Variants in NFATC2 observed in about 807,000 individuals in gnomAD.
NFATC2 encodes the protein nuclear factor of activated T cells 2.
NFATC2 carries 22 observed loss-of-function variants against 87.3 expected under a neutral mutation model. That is an observed-to-expected ratio of 0.25 (90% CI 0.18 to 0.36). The LOEUF (loss-of-function observed/expected upper bound fraction) is 0.36, where lower values mean the gene tolerates loss of function less well. NFATC2 is among the 10% of genes least tolerant of loss of function. The pLI, the probability that NFATC2 is intolerant of heterozygous loss-of-function variation, is 1.00. For synonymous variants in NFATC2, 565 were observed against 542.2 expected (o/e 1.04, Z -0.58); for missense variants, 1,149 against 1,259.1 (o/e 0.91, Z 1.32).
chr20:51,436,505 T>C (rs1983598902), intron 6 of NFATC2, among the ~76,000 whole-genome samples: 1 of 151,576 alleles, frequency 6.6e-6, no homozygotes, highest in Non-Finnish European at 1.5e-5. Context: ...GGCTAGGAGT[T>C]CGAGACCAGC....
chr20:51,560,548 A>G (rs1265887881), intron 1 of NFATC2, among the ~76,000 whole-genome samples: 1 of 152,124 alleles, frequency 6.6e-6, no homozygotes, highest in Admixed American at 6.5e-5. Flanking sequence ...CACCCATTGG[A>G]TGGGATATTG....
chr20:51,528,249 A>T (rs534651576), intron 1 of NFATC2, among the ~76,000 whole-genome samples: 3 of 152,310 alleles, frequency 2.0e-5, no homozygotes, highest in East Asian at 3.9e-4. Context: ...TGGCTCATTC[A>T]TATGATGGGA....
At chr20:51,528,689 C>T (rs2146747658) in intron 1 of NFATC2, among the ~76,000 whole-genome samples, 1 of 152,258 alleles carries the variant, frequency 6.6e-6, no homozygotes. Context: ...AAATGTAACT[C>T]CCAAAAGAAA....
At chr20:51,467,887 C>A (rs948431354) in intron 5 of NFATC2, among the ~76,000 whole-genome samples, 4 of 152,178 alleles carry the variant, frequency 2.6e-5, no homozygotes, top group African/African-American at 4.8e-5. Flanking sequence ...TAGCCTTATC[C>A]ATAAACCTAA....
intron 3 of NFATC2, among the ~76,000 whole-genome samples, chr20:51,505,916 T>G (rs2076171515): frequency 6.6e-6 from 1 of 152,214 alleles, no homozygotes; most frequent in Non-Finnish European, 1.5e-5. Flanking sequence ...TTTAAAATCC[T>G]AACACGATGG....
At chr20:51,505,432 A>G (rs1260615194) in intron 3 of NFATC2, among the ~76,000 whole-genome samples, 1 of 144,432 alleles carries the variant, frequency 6.9e-6, no homozygotes, top group Non-Finnish European at 1.5e-5. Context: ...GTGTACATAC[A>G]CATTGTATAT....
At chr20:51,542,144 G>A (rs2076828864) in intron 1 of NFATC2, among the ~76,000 whole-genome samples, 1 of 152,164 alleles carries the variant, frequency 6.6e-6, no homozygotes, top group South Asian at 2.1e-4. Flanking sequence ...GAGCAGTCAT[G>A]AGCAACCAGA....
chr20:51,410,738 C>T (rs1241582467), intron 9 of NFATC2, among the ~76,000 whole-genome samples: 1 of 152,156 alleles, frequency 6.6e-6, no homozygotes, highest in Non-Finnish European at 1.5e-5. Flanking sequence ...ATCTAGAGAG[C>T]ATTCTAACAC....
Position 51,539,693 on chromosome 20 carries a change from C to A in NFATC2, c.130+2677G>T, listed in dbSNP as rs1052615948. On this transcript the variant is annotated intron_variant, in intron 1 of 10. Coordinates refer to ENST00000371564, the MANE Select transcript of NFATC2 (RefSeq NM_012340.5). ...TTTTTATTTTTATTAGAGATGAGGT[C>A]TTGCTATGTTGCCCCAGCTGGTCTT... Among the ~76,000 whole-genome samples, 4 of 152,186 alleles carry A rather than the reference C, an allele frequency of 2.6e-5. No individual in the cohort carries two copies. In the East Asian group the frequency reaches 7.7e-4, roughly 29 times the overall value.
intron 6 of NFATC2, among the ~76,000 whole-genome samples, chr20:51,447,215 A>G (rs972255637): frequency 2.0e-5 from 3 of 152,238 alleles, no homozygotes; most frequent in Non-Finnish European, 4.4e-5. Flanking sequence ...GAAAGAGGGA[A>G]TTCCACCACC....
At chr20:51,530,421 G>A (rs1465527434) in intron 1 of NFATC2, among the ~76,000 whole-genome samples, 4 of 152,044 alleles carry the variant, frequency 2.6e-5, no homozygotes, top group East Asian at 1.9e-4. Flanking sequence ...TGCCCACCTC[G>A]GCCTGCCAAA....
At chr20:51,398,833 G>GAACTT (rs1425113956) in intron 9 of NFATC2, 103 bp from the exon 10 acceptor site, 7 of 801,406 alleles carry the variant, frequency 8.7e-6, no homozygotes, top group South Asian at 3.0e-5. Context: ...GCCCAGGAGG[G>GAACTT]AACTTAACCC....
At chr20:51,427,795 C>T (rs1201292186) in intron 9 of NFATC2, among the ~76,000 whole-genome samples, 1 of 152,196 alleles carries the variant, frequency 6.6e-6, no homozygotes, top group Non-Finnish European at 1.5e-5. Flanking sequence ...TCTGCAGGGG[C>T]CAACCTCACC....
intron 3 of NFATC2, among the ~76,000 whole-genome samples, chr20:51,496,026 C>G (rs62229791): frequency 0.078 from 11,926 of 152,218 alleles, 609 homozygotes; most frequent in African/African-American, 0.15. Context: ...TTTTTCTAAG[C>G]ATTTCCAAAG....
At chr20:51,406,273 G>T (rs141696909) in intron 9 of NFATC2, among the ~76,000 whole-genome samples, 1 of 152,184 alleles carries the variant, frequency 6.6e-6, no homozygotes. Flanking sequence ...ACAAGAATAC[G>T]CTTCTCTGAA....
At chr20:51,464,492 T>C (rs1987477388) in intron 5 of NFATC2, among the ~76,000 whole-genome samples, 1 of 152,256 alleles carries the variant, frequency 6.6e-6, no homozygotes, top group South Asian at 2.1e-4. Context: ...CACTCTAAAC[T>C]GCTTCTCCCC....
chr20:51,482,934 C>T (rs554509838), intron 3 of NFATC2, among the ~76,000 whole-genome samples: 1 of 152,294 alleles, frequency 6.6e-6, no homozygotes, highest in African/African-American at 2.4e-5. Context: ...TCCCAGGGTT[C>T]GGACTAGCCC....
chr20:51,562,187 G>A lies in NFATC2; in HGVS notation c.70+373C>T, dbSNP rs1200040550. ...AAAGTAATAATAATAATACTGCAGC[G>A]TTATGGCATTTGCTGTCAAAAGCCG... On this transcript the variant is annotated intron_variant, in intron 1 of 10. Coordinates refer to the NFATC2 transcript ENST00000414705. The surrounding 1 kb of genome is among the most constrained non-coding windows in gnomAD (Gnocchi z 5.8). Among the ~76,000 whole-genome samples the A allele has an allele frequency of 1.3e-5, 2 of 152,212 alleles. No homozygotes were observed. Among genetic ancestry groups the A allele is most frequent in the African/African-American group, 2.4e-5 (1 of 41,458 alleles).
chr20:51,498,234 C>T (rs891002545), intron 3 of NFATC2, among the ~76,000 whole-genome samples: 1 of 152,146 alleles, frequency 6.6e-6, no homozygotes, highest in African/African-American at 2.4e-5. Context: ...ATCCATCACC[C>T]AGACTCCCAG....
Sources: allele counts gnomAD v4.1 joint callset (sites outside exome capture counted in the v4.1 genomes callset), GRCh38; gene constraint gnomAD v4.1.1; non-coding constraint Gnocchi (gnomAD v3.1); transcripts MANE v1.5; gene names NCBI Gene and HGNC (gene_info 2026-07-23, HGNC 2026-07-21).